The following PAPSS2 variants were observed in gnomAD, a reference collection of about 807,000 sequenced individuals.
PAPSS2 encodes 3'-phosphoadenosine 5'-phosphosulfate synthase 2, also known as bifunctional 3'-phosphoadenosine 5'-phosphosulfate synthase 2.
In PAPSS2, 61 loss-of-function variants were observed where a neutral mutation model predicts 66.5. That is an observed-to-expected ratio of 0.92 (90% CI 0.75 to 1.14). The LOEUF (loss-of-function observed/expected upper bound fraction) is 1.14. Ranked by LOEUF, PAPSS2 falls within the 50% of genes most tolerant of loss-of-function variation. The probability of loss-of-function intolerance (pLI) is 0.00; values close to 1 mark genes in which losing one functional copy is unlikely to be tolerated. For missense variants in PAPSS2, 708 were observed against 789.6 expected (o/e 0.90, Z 1.24); for synonymous variants, 289 against 287.5 (o/e 1.01, Z -0.05).
chr10:87,698,869 AAAC>A (rs1261480841), intron 1 of PAPSS2, among the ~76,000 whole-genome samples: 1 of 152,224 alleles, frequency 6.6e-6, no homozygotes, highest in African/African-American at 2.4e-5. Flanking sequence ...AAATAATCAA[AAAC>A]AACAATAAAA....
At chr10:87,707,629 G>A (rs1428278404) in intron 1 of PAPSS2, among the ~76,000 whole-genome samples, 1 of 144,850 alleles carries the variant, frequency 6.9e-6, no homozygotes, top group Non-Finnish European at 1.5e-5. Context: ...GAGTACAGTG[G>A]TGCAATCATG....
At chr10:87,701,386 T>TTCTTTC (rs1853312051) in intron 1 of PAPSS2, among the ~76,000 whole-genome samples, 12 of 65,288 alleles carry the variant, frequency 1.8e-4, no homozygotes, top group African/African-American at 6.2e-4. Flanking sequence ...CTTTCTTTCT[T>TTCTTTC]TCTTTCTTTC....
In PAPSS2 at chr10:87,745,957, TGGA is replaced by T. The variant is rs563421338; in HGVS notation, c.1849_1851del (p.Glu617del). ...GTCCTGACAGATTATTACAGGTCCCTGGAGAAGAACTAAGCCTTTGGCTCCAGA... is the reference window on the plus strand; with the variant it reads ...GTCCTGACAGATTATTACAGGTCCCTGAAGAACTAAGCCTTTGGCTCCAGA... On this transcript the variant is annotated inframe_deletion, in exon 13 of 13. Coordinates refer to ENST00000456849, the MANE Select transcript of PAPSS2 (RefSeq NM_001015880.2). 1,123 of 1,613,984 alleles carry T rather than the reference TGGA, an allele frequency of 7.0e-4. 1 individual carries two copies. Among genetic ancestry groups the T allele is most frequent in the Non-Finnish European group, 9.0e-4 (1,065 of 1,179,964 alleles).
intron 1 of PAPSS2, among the ~76,000 whole-genome samples, chr10:87,697,297 C>G (rs909083724): frequency 2.0e-5 from 3 of 152,110 alleles, no homozygotes; most frequent in South Asian, 2.1e-4. Flanking sequence ...GCGTCCTGGC[C>G]GATTGGCAAC....
chr10:87,704,642 G>T lies in PAPSS2; in HGVS notation c.28-4554G>T, dbSNP rs183512452. ...TTTTCTCATCTGCTTACTTTTTTTT[G>T]TTTGTTTGTTTGTTTTTGAGACAAA... On this transcript the variant is annotated intron_variant, in intron 1 of 12. Coordinates refer to ENST00000456849, the MANE Select transcript of PAPSS2 (RefSeq NM_001015880.2). 9.0e-4 allele frequency among the ~76,000 whole-genome samples: 136 copies of T among 150,706 alleles called. 2 individuals are homozygous for T. The highest frequency in any genetic ancestry group is 1.4e-3 in the Non-Finnish European group (94 of 67,844).
chr10:87,701,818 A>C (rs539255242), intron 1 of PAPSS2, among the ~76,000 whole-genome samples: 3 of 152,342 alleles, frequency 2.0e-5, no homozygotes, highest in South Asian at 2.1e-4. Flanking sequence ...TAAGTAACTT[A>C]TTACACAGAA....
chr10:87,689,758 G>A (rs1853146274), intron 1 of PAPSS2, among the ~76,000 whole-genome samples: 1 of 147,440 alleles, frequency 6.8e-6, no homozygotes, highest in Admixed American at 6.9e-5. Flanking sequence ...ACCAATAATG[G>A]AATAGAACAA....
chr10:87,695,048 T>C (rs927101251), intron 1 of PAPSS2, among the ~76,000 whole-genome samples: 2 of 152,236 alleles, frequency 1.3e-5, no homozygotes, highest in Non-Finnish European at 2.9e-5. Context: ...GAGAATCAGT[T>C]CATAGCATCA....
chr10:87,722,059 T>A (rs1853604604), intron 8 of PAPSS2, among the ~76,000 whole-genome samples: 1 of 152,222 alleles, frequency 6.6e-6, no homozygotes, highest in Non-Finnish European at 1.5e-5. Context: ...TTCCTGAGTC[T>A]TTTACATTTA....
intron 6 of PAPSS2, 48 bp downstream of exon 6, chr10:87,715,146 T>TGTAA: frequency 2.1e-6 from 2 of 950,670 alleles, no homozygotes; most frequent in Non-Finnish European, 3.5e-6. Flanking sequence ...TATCAGTCAT[T>TGTAA]ATAATTTATT....
In PAPSS2 at chr10:87,678,135, A is replaced by C. The variant is rs1039503556; in HGVS notation, c.27+18127A>C. 2.0e-5 allele frequency among the ~76,000 whole-genome samples: 3 copies of C among 152,274 alleles called. No individual in the cohort carries two copies. The South Asian group carries it at 6.2e-4, about 32-fold the overall frequency. Reference sequence around the variant, plus strand: ...TAAAAACTTTTTTTTCCCAGAAATAAATCTGCATCTTTATAGCCAACTGAT... The same window carrying C: ...TAAAAACTTTTTTTTCCCAGAAATACATCTGCATCTTTATAGCCAACTGAT... On this transcript the variant is annotated intron_variant, in intron 1 of 12. Transcript: ENST00000456849.
At chr10:87,698,244 G>A (rs1441258847) in intron 1 of PAPSS2, among the ~76,000 whole-genome samples, 2 of 152,124 alleles carry the variant, frequency 1.3e-5, no homozygotes, top group Non-Finnish European at 2.9e-5. Context: ...TCCCCTTAAA[G>A]TGTTTTCTCG....
At chr10:87,729,432 T>C (rs950930796) in intron 9 of PAPSS2, among the ~76,000 whole-genome samples, 1 of 152,178 alleles carries the variant, frequency 6.6e-6, no homozygotes, top group East Asian at 1.9e-4. Context: ...GATGTTACTA[T>C]TGTAATTGTT....
At chr10:87,675,488 G>C (rs1243472279) in intron 1 of PAPSS2, among the ~76,000 whole-genome samples, 4 of 151,550 alleles carry the variant, frequency 2.6e-5, no homozygotes, top group Non-Finnish European at 5.9e-5. Context: ...TGGTTTTGTT[G>C]CTGTAAGTCA....
At chr10:87,687,483 G>A (rs1177955021) in intron 1 of PAPSS2, among the ~76,000 whole-genome samples, 5 of 152,172 alleles carry the variant, frequency 3.3e-5, no homozygotes, top group Admixed American at 3.3e-4. Flanking sequence ...GATGCAGAAA[G>A]ACAAATAGCA....
intron 1 of PAPSS2, among the ~76,000 whole-genome samples, chr10:87,686,788 T>C (rs1415910184): frequency 1.3e-5 from 2 of 152,188 alleles, no homozygotes; most frequent in African/African-American, 4.8e-5. Context: ...GGGGCATTCC[T>C]TTGAAAAGAA....
intron 9 of PAPSS2, among the ~76,000 whole-genome samples, chr10:87,737,495 T>G (rs1452675590): frequency 6.6e-6 from 1 of 152,166 alleles, no homozygotes; most frequent in African/African-American, 2.4e-5. Flanking sequence ...CAGAACTTTG[T>G]CATCTTGCAA....
At chr10:87,723,100 G>T (rs189095383) in intron 8 of PAPSS2, among the ~76,000 whole-genome samples, 1 of 152,164 alleles carries the variant, frequency 6.6e-6, no homozygotes, top group African/African-American at 2.4e-5. Context: ...TGCAGGCAGC[G>T]CTAGGTTCTT....
rs183688180 is a variant in PAPSS2 at position 87,690,503 on chromosome 10, G to C, written c.28-18693G>C. On this transcript the variant is annotated intron_variant, in intron 1 of 12. Coordinates refer to ENST00000456849, the MANE Select transcript of PAPSS2 (RefSeq NM_001015880.2). ...CAGCATGGCTTCTGCATACCTGCTT[G>C]TGTATATATCTTTTCAGTTTTTGAG... Among the ~76,000 whole-genome samples, 42 of 152,300 alleles carry C rather than the reference G, an allele frequency of 2.8e-4. No homozygotes were observed. In the East Asian group the frequency reaches 7.7e-3, roughly 28 times the overall value.
Sources: allele counts gnomAD v4.1 joint callset (sites outside exome capture counted in the v4.1 genomes callset), GRCh38; gene constraint gnomAD v4.1.1; transcripts MANE v1.5; gene names NCBI Gene and HGNC (gene_info 2026-07-23, HGNC 2026-07-21).